The following MAP3K15 variants were observed in gnomAD, a reference collection of about 807,000 sequenced individuals.
The protein encoded by MAP3K15 is mitogen-activated protein kinase kinase kinase 15.
In MAP3K15, 124 loss-of-function variants were observed where a neutral mutation model predicts 99.5. The ratio of observed to expected loss-of-function variants is 1.25; its 90% confidence interval spans 1.08 to 1.45. MAP3K15 has a LOEUF of 1.45. MAP3K15 is among the 40% of genes most tolerant of loss of function. The pLI, the probability that MAP3K15 is intolerant of heterozygous loss-of-function variation, is 0.00. For synonymous variants in MAP3K15, 494 were observed against 439.6 expected, an observed-to-expected ratio of 1.12 and a Z score of -1.55; for missense variants, 1,242 against 1,079.7, an observed-to-expected ratio of 1.15 and a Z score of -2.11.
intron 1 of MAP3K15, among the ~76,000 whole-genome samples, chrX:19,510,909 C>A (rs1219821036): frequency 2.7e-5 from 3 of 111,947 alleles, no homozygotes; most frequent in African/African-American, 9.7e-5. Context: ...AAGACAAACA[C>A]AGAGCCAAAT....
At chrX:19,437,213 A>G (rs759513587) in intron 6 of MAP3K15, among the ~76,000 whole-genome samples, 38 of 111,367 alleles carry the variant, frequency 3.4e-4, no homozygotes, top group African/African-American at 1.2e-3. Context: ...AAGCCATGTC[A>G]TTTCCTGCTT....
chrX:19,417,721 T>C (rs1055601413), intron 9 of MAP3K15, among the ~76,000 whole-genome samples: 1 of 111,815 alleles, frequency 8.9e-6, no homozygotes, highest in African/African-American at 3.3e-5. Context: ...CAGCTCGAGA[T>C]CTGAGAATGG....
chrX:19,461,225 C>T (rs895478327), intron 4 of MAP3K15, among the ~76,000 whole-genome samples: 6 of 111,862 alleles, frequency 5.4e-5, no homozygotes, highest in South Asian at 7.4e-4. Context: ...GTGATCCACC[C>T]GCCTCGGCCT....
chrX:19,375,605 G>A (rs1255622475), intron 19 of MAP3K15, among the ~76,000 whole-genome samples: 1 of 112,222 alleles, frequency 8.9e-6, no homozygotes, highest in Non-Finnish European at 1.9e-5. Context: ...AGTCCACCCT[G>A]TGTCTTTTCC....
chrX:19,395,797 C>T (rs1411416948), intron 15 of MAP3K15, among the ~76,000 whole-genome samples: 1 of 112,204 alleles, frequency 8.9e-6, no homozygotes, highest in Non-Finnish European at 1.9e-5. Context: ...ATGTCACATA[C>T]AAGGACTTTC....
At chrX:19,455,990 C>T (rs1432114547) in intron 6 of MAP3K15, among the ~76,000 whole-genome samples, 1 of 110,805 alleles carries the variant, frequency 9.0e-6, no homozygotes, top group South Asian at 3.9e-4. Context: ...GAAGACTGGC[C>T]GTCATTCACA....
intron 6 of MAP3K15, among the ~76,000 whole-genome samples, chrX:19,455,241 C>A: frequency 9.0e-6 from 1 of 111,201 alleles, no homozygotes; most frequent in East Asian, 2.8e-4. Context: ...TGTGCAATCC[C>A]AGCCATTCTG....
intron 3 of MAP3K15, among the ~76,000 whole-genome samples, chrX:19,480,084 A>C (rs1206995739): frequency 8.9e-6 from 1 of 112,353 alleles, no homozygotes; most frequent in Non-Finnish European, 1.9e-5. Context: ...CAAGAAAGTG[A>C]AAGACCTGTA....
intron 11 of MAP3K15, among the ~76,000 whole-genome samples, chrX:19,411,294 G>C (rs1189736016): frequency 8.9e-6 from 1 of 112,306 alleles, no homozygotes. Context: ...TTTGGCTCAA[G>C]AGAACTGCCA....
chrX:19,425,805 CTGAT>C (rs1006655334), intron 8 of MAP3K15, 115 bp from the exon 9 acceptor site: 3 of 704,416 alleles, frequency 4.3e-6, no homozygotes, highest in Non-Finnish European at 6.0e-6. Context: ...GGAAAAGTAA[CTGAT>C]TGTTCCTTTT....
In MAP3K15 at chrX:19,515,037, C is replaced by T. The variant is rs2064552526; in HGVS notation, c.225G>A (p.Ala75=). 5 of 1,043,442 alleles carry T rather than the reference C, an allele frequency of 4.8e-6. No homozygotes were observed. The highest frequency in any genetic ancestry group is 6.2e-6 in the Non-Finnish European group (5 of 803,055). The allele number at this position is 1,043,442 out of a possible 1,213,427, so 86.0% of individuals were successfully genotyped here. A position where few individuals can be genotyped will look rare whatever the true frequency, so the allele number is the denominator to read the frequency against. ...YVRSESSQGG[A]AGGPEAGARQ... is the part of the protein sequence containing the mutation. ...GCGCCCCAGCCTCCGGGCCGCCGGC[C>T]GCGCCGCCCTGGGAGCTCTCACTGC... Residue 75 remains alanine (A), a synonymous_variant, in exon 1 of 29, where the codon GCG becomes GCA. Transcript: ENST00000338883.
intron 6 of MAP3K15, among the ~76,000 whole-genome samples, chrX:19,454,756 A>AAAAT (rs764942870): frequency 1.8e-5 from 2 of 111,962 alleles, no homozygotes; most frequent in African/African-American, 3.2e-5. Context: ...TATATATACC[A>AAAAT]GTTAGGTATC....
chrX:19,466,902 A>C (rs1262723094), intron 3 of MAP3K15, among the ~76,000 whole-genome samples: 1 of 112,061 alleles, frequency 8.9e-6, no homozygotes, highest in Non-Finnish European at 1.9e-5. Context: ...AGCTTGTCCA[A>C]CCGGGGCCCA....
At chrX:19,482,179 C>CAAAAAAAAAAAAAAAA (rs34191166) in intron 3 of MAP3K15, 9 of 31,463 alleles carry the variant, frequency 2.9e-4, no homozygotes, top group African/African-American at 6.4e-4. Context: ...GATTCCAGCT[C>CAAAAAAAAAAAAAAAA]AAAAAAAAAA....
Position 19,431,604 on chromosome X carries a change from T to C in MAP3K15, c.1000A>G (p.Asn334Asp). 8.4e-7 allele frequency: 1 copy of C among 1,195,901 alleles called. No individual in the cohort carries two copies. The highest frequency in any genetic ancestry group is 1.1e-6 in the Non-Finnish European group (1 of 892,719). ...FHYAFALNRR[N>D]STGDREKALQ... The stretch of plus-strand genomic sequence containing the variant: ...GCCTTCTCACGGTCACCTGTGCTGT[T>C]TCTCCTGAAAGATAGATGTTATAAG... The change falls in exon 7 of 29, where the codon AAC (asparagine) becomes GAC (aspartate). Residue 334 changes from asparagine to aspartate, a missense_variant. By Grantham distance (23) the Asn-to-Asp change is conservative (BLOSUM62 1). Coordinates refer to ENST00000338883, the MANE Select transcript of MAP3K15 (RefSeq NM_001001671.4).
chrX:19,404,750 G>A (rs1422822268), intron 13 of MAP3K15, among the ~76,000 whole-genome samples: 1 of 111,568 alleles, frequency 9.0e-6, no homozygotes, highest in Non-Finnish European at 1.9e-5. Flanking sequence ...ACTCAATCAG[G>A]GAAAGAATAG....
chrX:19,429,389 G>T (rs1038581407), intron 7 of MAP3K15, among the ~76,000 whole-genome samples: 2 of 110,559 alleles, frequency 1.8e-5, no homozygotes, highest in African/African-American at 6.6e-5. Context: ...GTGAAAGAAG[G>T]CTCGCAGAAG....
At chrX:19,415,999 C>T (rs1408414712) in intron 9 of MAP3K15, among the ~76,000 whole-genome samples, 1 of 111,637 alleles carries the variant, frequency 9.0e-6, no homozygotes, top group African/African-American at 3.3e-5. Context: ...CCTCCTGTTG[C>T]TATTGTGGTG....
chrX:19,380,686 C>T (rs1013900087), intron 18 of MAP3K15, among the ~76,000 whole-genome samples: 1 of 111,877 alleles, frequency 8.9e-6, no homozygotes, highest in Admixed American at 9.4e-5. Flanking sequence ...CCACCATGCC[C>T]GGCTAATTTT....
Sources: allele counts gnomAD v4.1 joint callset (sites outside exome capture counted in the v4.1 genomes callset), GRCh38; gene constraint gnomAD v4.1.1; transcripts MANE v1.5; gene names NCBI Gene and HGNC (gene_info 2026-07-23, HGNC 2026-07-21).